The following MAJIN variants were observed in gnomAD, a reference collection of about 807,000 sequenced individuals.
MAJIN encodes membrane-anchored junction protein.
MAJIN carries 27 observed loss-of-function variants against 30.2 expected under a neutral mutation model. The ratio of observed to expected loss-of-function variants is 0.89; its 90% confidence interval spans 0.66 to 1.23. The LOEUF is 1.23. Among genes scored for constraint, MAJIN ranks in the 50% most tolerant of loss-of-function variants. The pLI, the probability that MAJIN is intolerant of heterozygous loss-of-function variation, is 0.00. For missense variants in MAJIN, 253 were observed against 260.3 expected (o/e 0.97, Z 0.19); for synonymous variants, 78 against 91.6 (o/e 0.85, Z 0.85).
At chr11:64,956,753 C>T (rs2136782946) in intron 3 of MAJIN, among the ~76,000 whole-genome samples, 1 of 141,676 alleles carries the variant, frequency 7.1e-6, no homozygotes, top group Admixed American at 7.4e-5. Flanking sequence ...ACTACAAATA[C>T]ATATAAGCTG....
chr11:64,956,852 C>T (rs1374251676), intron 3 of MAJIN, among the ~76,000 whole-genome samples: 4 of 149,884 alleles, frequency 2.7e-5, no homozygotes, highest in Admixed American at 6.7e-5. Flanking sequence ...CTGCAACCTC[C>T]GCCTCCCGGG....
intron 8 of MAJIN, among the ~76,000 whole-genome samples, chr11:64,945,738 G>A (rs1301908153): frequency 1.3e-5 from 2 of 151,970 alleles, no homozygotes; most frequent in African/African-American, 4.8e-5. Flanking sequence ...GGTCTCACCA[G>A]GTTGGCCAGC....
In MAJIN at chr11:64,961,172, G is replaced by T. The variant is rs533209210; in HGVS notation, c.-64-1037C>A. 1.0e-4 allele frequency among the ~76,000 whole-genome samples: 15 copies of T among 143,472 alleles called. 1 individual carries two copies. The highest frequency in any genetic ancestry group is 1.0e-3 in the East Asian group (5 of 4,978). 94.1% of individuals were successfully genotyped at this position (143,472 alleles called of 152,430 possible). The stretch of plus-strand genomic sequence containing the variant: ...CAAGGATTATTTTTTTGTTTTTGTG[G>T]TTTTTTTTTTTTTGAGTCAGGGTCT... On this transcript the variant is annotated intron_variant, in intron 1 of 10. Coordinates refer to ENST00000301896, the MANE Select transcript of MAJIN (RefSeq NM_001037225.3).
rs1945689413 is a variant in MAJIN at position 64,959,423 on chromosome 11, C to A, written c.-17-1G>T. ...AAACTCATTGCTCCCAAACGATAGC[C>A]TAAATAAAATAGAAAGAGAATTACT... On this transcript the variant is annotated splice_acceptor_variant, in intron 2 of 10. Transcript: ENST00000301896. LOFTEE classifies it low-confidence loss of function (5UTR_SPLICE). The A allele has an allele frequency of 6.3e-7, 1 of 1,596,096 alleles. No homozygotes were observed. Among genetic ancestry groups the A allele is most frequent in the Non-Finnish European group, 8.6e-7 (1 of 1,164,722 alleles).
In MAJIN at chr11:64,956,321, A is replaced by AAT. The variant is rs1468967520; in HGVS notation, c.102-1520_102-1519insAT. Among the ~76,000 whole-genome samples the AAT allele has an allele frequency of 8.5e-5, 12 of 141,648 alleles. No homozygotes were observed. In the East Asian group the frequency reaches 2.1e-3, roughly 25 times the overall value. 92.9% of individuals were successfully genotyped at this position (141,648 alleles called of 152,430 possible). On this transcript the variant is annotated intron_variant, in intron 3 of 10. Coordinates refer to ENST00000301896, the MANE Select transcript of MAJIN (RefSeq NM_001037225.3). ...TCTCAAATAAATAAATAAATAAATAAAAATAAAAATACAAAAAATTAGCTG... is the reference window on the plus strand; with the variant it reads ...TCTCAAATAAATAAATAAATAAATAAATAAATAAAAATACAAAAAATTAGCTG...
chr11:64,938,938 T>C (rs1945329260), intron 10 of MAJIN, among the ~76,000 whole-genome samples: 3 of 152,190 alleles, frequency 2.0e-5, no homozygotes, highest in Admixed American at 2.0e-4. Context: ...TTTGTTTGGT[T>C]GGTTTTTTTG....
intron 1 of MAJIN, among the ~76,000 whole-genome samples, chr11:64,960,980 G>A (rs1045291185): frequency 6.6e-6 from 1 of 152,202 alleles, no homozygotes; most frequent in Middle Eastern, 3.2e-3. Context: ...CCCCGGAGGG[G>A]AAATACTGAT....
chr11:64,940,255 C>T (rs1277810098), intron 9 of MAJIN, among the ~76,000 whole-genome samples: 3 of 152,210 alleles, frequency 2.0e-5, no homozygotes, highest in African/African-American at 7.2e-5. Flanking sequence ...AAAAGGGAAA[C>T]ACAACCCTCT....
intron 1 of MAJIN, 125 bp downstream of exon 1, chr11:64,971,752 C>T (rs1257564470): frequency 6.6e-6 from 1 of 152,356 alleles, no homozygotes; most frequent in Non-Finnish European, 1.5e-5. Flanking sequence ...AGAAAGGGAC[C>T]TCAGGGGGCA....
chr11:64,971,842 A>G (rs1398954994), intron 1 of MAJIN, 35 bp downstream of exon 1: 1 of 152,032 alleles, frequency 6.6e-6, no homozygotes, highest in African/African-American at 2.4e-5. Flanking sequence ...CGCAAAGACA[A>G]CTTCCCGAGG....
intron 1 of MAJIN, among the ~76,000 whole-genome samples, chr11:64,962,386 A>G (rs1945741340): frequency 1.3e-5 from 2 of 152,212 alleles, no homozygotes; most frequent in Admixed American, 1.3e-4. Context: ...GTAATGGTTC[A>G]AATATTTCAC....
Position 64,963,563 on chromosome 11 carries a change from C to A in MAJIN, c.-64-3428G>T, listed in dbSNP as rs576073482. Among the ~76,000 whole-genome samples the A allele has an allele frequency of 2.6e-3, 403 of 152,244 alleles. 2 individuals carry two copies. The highest frequency in any genetic ancestry group is 4.3e-3 in the Non-Finnish European group (295 of 68,014). ...TTCAAAATACATTGACTGGGCTGGG[C>A]GCAGTGGCTCACGACTGTAATCTCA... On this transcript the variant is annotated intron_variant, in intron 1 of 10. Coordinates refer to ENST00000301896, the MANE Select transcript of MAJIN (RefSeq NM_001037225.3).
intron 3 of MAJIN, among the ~76,000 whole-genome samples, chr11:64,958,640 C>T (rs1200613489): frequency 6.7e-6 from 1 of 148,746 alleles, no homozygotes; most frequent in East Asian, 2.0e-4. Flanking sequence ...GCAAGGGAGT[C>T]GAGATGAAAA....
At chr11:64,955,891 C>T (rs1352177337) in intron 3 of MAJIN, among the ~76,000 whole-genome samples, 8 of 152,190 alleles carry the variant, frequency 5.3e-5, no homozygotes, top group African/African-American at 9.6e-5. Flanking sequence ...TCAGGCCAGG[C>T]GCAGTGGCTC....
chr11:64,946,596 A>C (rs1945456224), intron 8 of MAJIN, among the ~76,000 whole-genome samples: 1 of 152,108 alleles, frequency 6.6e-6, no homozygotes, highest in African/African-American at 2.4e-5. Context: ...TCAGCTTCCT[A>C]GTGGTCTACC....
intron 4 of MAJIN, chr11:64,954,364 T>C: frequency 3.0e-6 from 1 of 338,880 alleles, no homozygotes; most frequent in Non-Finnish European, 5.6e-6. Flanking sequence ...AGCAGCCTTG[T>C]CTGTGTATTT....
At chr11:64,947,151 T>C (rs963948813) in intron 8 of MAJIN, among the ~76,000 whole-genome samples, 29 of 152,202 alleles carry the variant, frequency 1.9e-4, no homozygotes, top group Admixed American at 6.5e-5. Context: ...TTAGCCTTCA[T>C]CTTGAAAAGA....
chr11:64,949,154 T>C (rs375447415), intron 6 of MAJIN, among the ~76,000 whole-genome samples: 1 of 141,372 alleles, frequency 7.1e-6, no homozygotes, highest in African/African-American at 2.7e-5. Context: ...CAGACCCCTG[T>C]CTCTACTAAA....
intron 7 of MAJIN, 50 bp downstream of exon 7, chr11:64,947,738 A>T: frequency 6.5e-7 from 1 of 1,543,636 alleles, no homozygotes; most frequent in Non-Finnish European, 8.9e-7. Context: ...TTTTGGAAAA[A>T]AGAAGGTGAT....
Sources: allele counts gnomAD v4.1 joint callset (sites outside exome capture counted in the v4.1 genomes callset), GRCh38; gene constraint gnomAD v4.1.1; transcripts MANE v1.5; gene names NCBI Gene and HGNC (gene_info 2026-07-23, HGNC 2026-07-21).